SOCS4: variants seen among roughly 807,000 people sequenced by gnomAD.
The protein encoded by SOCS4 is suppressor of cytokine signaling 4.
SOCS4 carries 20 observed loss-of-function variants against 34.1 expected under a neutral mutation model. The ratio of observed to expected loss-of-function variants is 0.59; its 90% CI spans 0.41 to 0.85. The LOEUF (loss-of-function observed/expected upper bound fraction) is 0.85, where lower values mean the gene tolerates loss of function less well. SOCS4 is among the 40% of genes least tolerant of loss of function. The pLI, the probability that SOCS4 is intolerant of heterozygous loss-of-function variation, is 0.00. For synonymous variants in SOCS4, 180 were observed against 186.4 expected, an observed-to-expected ratio of 0.97 and a Z score of 0.28; for missense variants, 479 against 532.4, an observed-to-expected ratio of 0.90 and a Z score of 0.99.
intron 1 of SOCS4, among the ~76,000 whole-genome samples, chr14:55,030,502 G>T (rs1212322670): frequency 6.6e-6 from 1 of 152,006 alleles, no homozygotes; most frequent in Non-Finnish European, 1.5e-5. Context: ...TATAGCCTTT[G>T]TTTCCCCTCC....
intron 2 of SOCS4, among the ~76,000 whole-genome samples, chr14:55,040,610 G>C (rs1188342463): frequency 6.6e-6 from 1 of 152,004 alleles, no homozygotes; most frequent in East Asian, 1.9e-4. Context: ...CGGGCGTGGT[G>C]GTGGGCGCCT....
chr14:55,039,660 G>A (rs544611518), intron 2 of SOCS4, among the ~76,000 whole-genome samples: 3 of 152,336 alleles, frequency 2.0e-5, no homozygotes, highest in East Asian at 1.9e-4. Context: ...TTAGGAGGCC[G>A]AGGTGGGCGG....
intron 2 of SOCS4, among the ~76,000 whole-genome samples, chr14:55,041,182 G>T (rs779528850): frequency 2.3e-4 from 35 of 152,278 alleles, no homozygotes; most frequent in Middle Eastern, 3.4e-3. Context: ...ACTGCACCTG[G>T]CCTTAGAAAT....
intron 2 of SOCS4, among the ~76,000 whole-genome samples, chr14:55,042,380 T>C (rs2042628416): frequency 6.6e-6 from 1 of 152,218 alleles, no homozygotes; most frequent in Non-Finnish European, 1.5e-5. Context: ...AAACACTGTA[T>C]TGGGAATGCT....
intron 1 of SOCS4, chr14:55,027,700 T>C (rs763272917): frequency 6.6e-6 from 1 of 152,166 alleles, no homozygotes; most frequent in Non-Finnish European, 1.5e-5. Flanking sequence ...GTCGCTTCTG[T>C]AGAGATAAAG....
intron 2 of SOCS4, among the ~76,000 whole-genome samples, chr14:55,035,509 T>G (rs1012236078): frequency 6.6e-6 from 1 of 152,182 alleles, no homozygotes; most frequent in Non-Finnish European, 1.5e-5. Flanking sequence ...CTCTTTACCT[T>G]GTAGTAACAC....
chr14:55,044,018 G>A lies in SOCS4; in HGVS notation c.977G>A (p.Arg326His). 1.4e-5 allele frequency: 23 copies of A among 1,614,102 alleles called. No homozygotes were observed. Among genetic ancestry groups the A allele is most frequent in the Non-Finnish European group, 1.9e-5 (23 of 1,179,994 alleles). ...TATTTATTCTCTGTTAGTTTTAGAC[G>A]CTATAGTCGTTCTCTTCATGCTAGA... Reference protein sequence around the residue: ...EDYLFSVSFRRYSRSLHARIE... With the variant: ...EDYLFSVSFRHYSRSLHARIE... The change falls in exon 3 of 3, where the codon CGC (arginine) becomes CAC (histidine). Residue 326 changes from arginine to histidine, a missense_variant. By Grantham distance (29) the Arg-to-His change is conservative. Transcript: ENST00000555846.
chr14:55,030,822 C>T (rs1043631214), intron 1 of SOCS4, among the ~76,000 whole-genome samples: 16 of 152,104 alleles, frequency 1.1e-4, no homozygotes, highest in African/African-American at 3.9e-4. Context: ...GCAGCTCATG[C>T]TATTTCATCT....
intron 2 of SOCS4, among the ~76,000 whole-genome samples, chr14:55,032,804 C>G (rs1348154514): frequency 1.3e-5 from 2 of 148,330 alleles, no homozygotes; most frequent in Admixed American, 1.3e-4. Context: ...TTTTTTTTTT[C>G]TTTTGAGACG....
intron 2 of SOCS4, among the ~76,000 whole-genome samples, chr14:55,041,137 G>C (rs532832221): frequency 2.6e-5 from 4 of 152,216 alleles, no homozygotes; most frequent in African/African-American, 9.6e-5. Context: ...CACTCACCTT[G>C]GCCTCCCAAA....
Position 55,044,114 on chromosome 14 carries a change from C to T in SOCS4, c.1073C>T (p.Thr358Ile), listed in dbSNP as rs1199487026. 1.9e-6 allele frequency: 3 copies of T among 1,614,162 alleles called. No individual in the cohort carries two copies. The highest frequency in any genetic ancestry group is 2.5e-6 in the Non-Finnish European group (3 of 1,180,018). ...TGTGTCTTCCATTCTCCTGACATTA[C>T]TGGGCTCCTAGAACATTATAAGGAC... ...DPCVFHSPDI[T>I]GLLEHYKDPS... is the part of the protein sequence containing the mutation. Residue 358 changes from threonine (T) to isoleucine (I), a missense_variant, in exon 3 of 3, where the codon ACT becomes ATT. By Grantham distance (89) the Thr-to-Ile change is moderately conservative. Transcript: ENST00000555846.
rs768640149 is a variant in SOCS4, at chr14:55,043,001, A to T, written c.-41A>T. 11 of 1,532,626 alleles carry T rather than the reference A, an allele frequency of 7.2e-6. No individual in the cohort carries two copies. In the Admixed American group the frequency reaches 2.1e-4, roughly 30 times the overall value. The allele number at this position is 1,532,626 out of a possible 1,614,324, so 94.9% of individuals were successfully genotyped here. A position where few individuals can be genotyped will look rare whatever the true frequency, so the allele number is the denominator to read the frequency against. On this transcript the variant is annotated 5_prime_UTR_variant, in exon 3 of 3. An upstream open reading frame in the 5' UTR gains an earlier in-frame stop. Transcript: ENST00000555846. ...AAACTTCCTGCTGGAAAAAATGAAA[A>T]AGCAGTATTTATAACATTAGAATCT...
intron 2 of SOCS4, among the ~76,000 whole-genome samples, chr14:55,040,888 G>C (rs1025460095): frequency 2.0e-5 from 3 of 150,932 alleles, no homozygotes; most frequent in Non-Finnish European, 4.4e-5. Context: ...ATAATCACCA[G>C]ATGGTTTTTT....
In SOCS4 at chr14:55,043,611, T is replaced by A. The variant is rs779411636; in HGVS notation, c.570T>A (p.His190Gln). The A allele has an allele frequency of 3.1e-6, 5 of 1,614,072 alleles. No individual in the cohort carries two copies. Among genetic ancestry groups the A allele is most frequent in the Non-Finnish European group, 4.2e-6 (5 of 1,180,044 alleles). Reference sequence around the variant, plus strand: ...AAGAAAATATAAACTGTTTCTCACATACCAATGTTCAGCCCTGTGTCATAA... The same window carrying A: ...AAGAAAATATAAACTGTTTCTCACAAACCAATGTTCAGCCCTGTGTCATAA... ...NMEENINCFS[H>Q]TNVQPCVITT... is the part of the protein sequence containing the mutation. Residue 190 changes from histidine (H) to glutamine (Q), a missense_variant, in exon 3 of 3, where the codon CAT (histidine) becomes CAA (glutamine). By Grantham distance (24) the His-to-Gln change is conservative (BLOSUM62 0). Coordinates refer to ENST00000555846, the MANE Select transcript of SOCS4 (RefSeq NM_199421.2).
intron 1 of SOCS4, among the ~76,000 whole-genome samples, chr14:55,029,065 T>C (rs1305409303): frequency 6.6e-6 from 1 of 152,238 alleles, no homozygotes; most frequent in Non-Finnish European, 1.5e-5. Flanking sequence ...TTAAAAAATG[T>C]ATTCTTGTTT....
rs1282286484 is a variant in SOCS4 at position 55,045,671 on chromosome 14, G to T, written c.*1307G>T. On this transcript the variant is annotated 3_prime_UTR_variant, in exon 3 of 3. Transcript: ENST00000555846. ...GTAACTAGTAAAAATAAATGGAGTG[G>T]TATCCTATCTTCTTTTTTTAAGGAA... 1 of 166,860 alleles carries T rather than the reference G, an allele frequency of 6.0e-6. No homozygotes were observed. The highest frequency in any genetic ancestry group is 2.1e-4 in the South Asian group (1 of 4,836). 10.3% of individuals were successfully genotyped at this position (166,860 alleles called of 1,614,324 possible). A position where few individuals can be genotyped will look rare whatever the true frequency, so the allele number is the denominator to read the frequency against.
chr14:55,041,515 G>A (rs2042617978), intron 2 of SOCS4, among the ~76,000 whole-genome samples: 1 of 150,380 alleles, frequency 6.6e-6, no homozygotes, highest in South Asian at 2.1e-4. Context: ...GTCTTGCTCT[G>A]TCACCCAGGC....
rs369003603 is a variant in SOCS4 at position 55,044,215 on chromosome 14, A to G, written c.1174A>G (p.Ile392Val). The G allele has an allele frequency of 3.1e-6, 5 of 1,613,866 alleles. No individual in the cohort carries two copies. In the African/African-American group the frequency reaches 4.0e-5, roughly 13 times the overall value. ...IRTFPFSLQH[I>V]CRTVICNCTT... is the part of the protein sequence containing the mutation. Reference sequence around the variant, plus strand: ...GACTTTCCCTTTTTCCCTGCAGCATATATGCAGAACAGTTATTTGTAACTG... The same window carrying G: ...GACTTTCCCTTTTTCCCTGCAGCATGTATGCAGAACAGTTATTTGTAACTG... The change falls in exon 3 of 3, where the codon ATA (isoleucine) becomes GTA (valine). Residue 392 changes from isoleucine to valine, a missense_variant. By Grantham distance (29) the Ile-to-Val change is conservative. Coordinates refer to ENST00000555846, the MANE Select transcript of SOCS4 (RefSeq NM_199421.2).
In SOCS4 at chr14:55,044,146, G is replaced by A. The variant is rs756173806; in HGVS notation, c.1105G>A (p.Ala369Thr). The A allele has an allele frequency of 1.8e-5, 29 of 1,613,912 alleles. No homozygotes were observed. The highest frequency in any genetic ancestry group is 1.6e-4 in the Middle Eastern group (1 of 6,084). The change falls in exon 3 of 3, where the codon GCC (alanine) becomes ACC (threonine). Residue 369 changes from alanine to threonine, a missense_variant. By Grantham distance (58) the Ala-to-Thr change is moderately conservative. Transcript: ENST00000555846. ...GLLEHYKDPSACMFFEPLLST... is the reference protein window; with the variant it reads ...GLLEHYKDPSTCMFFEPLLST... The stretch of plus-strand genomic sequence containing the variant: ...CCTAGAACATTATAAGGACCCAAGC[G>A]CCTGTATGTTCTTTGAACCACTTCT...
Sources: gnomAD v4.1 joint callset for allele counts (sites outside exome capture counted in the v4.1 genomes callset) on GRCh38, gnomAD v4.1.1 for gene constraint, MANE v1.5 for transcripts, NCBI Gene and HGNC (gene_info 2026-07-23, HGNC 2026-07-21) for gene names.